STX8: variants seen among roughly 807,000 people sequenced by gnomAD.
The protein encoded by STX8 is syntaxin-8.
STX8 carries 23 observed loss-of-function variants against 37.5 expected under a neutral mutation model. That is an observed-to-expected ratio of 0.61 (90% CI 0.44 to 0.87). The LOEUF (loss-of-function observed/expected upper bound fraction) is 0.87. Ranked by LOEUF, STX8 falls within the 40% of genes least tolerant of loss-of-function variation. STX8 has a pLI of 0.00. For missense variants in STX8, 313 were observed against 284.7 expected, an observed-to-expected ratio of 1.10 and a Z score of -0.71; for synonymous variants, 115 against 99.1, an observed-to-expected ratio of 1.16 and a Z score of -0.95.
chr17:9,465,345 G>A (rs568313855), intron 6 of STX8, among the ~76,000 whole-genome samples: 26 of 152,226 alleles, frequency 1.7e-4, no homozygotes, highest in Admixed American at 1.0e-3. Flanking sequence ...AAATGGCAAC[G>A]TGCTGCTGTC....
At chr17:9,260,423 A>T (rs1411748220) in intron 7 of STX8, among the ~76,000 whole-genome samples, 2 of 152,218 alleles carry the variant, frequency 1.3e-5, no homozygotes, top group Non-Finnish European at 2.9e-5. Flanking sequence ...CGGGAGTTTG[A>T]GACCAGCCGG....
chr17:9,409,182 T>A (rs1912901497), intron 6 of STX8, among the ~76,000 whole-genome samples: 1 of 151,824 alleles, frequency 6.6e-6, no homozygotes, highest in African/African-American at 2.4e-5. Flanking sequence ...ATATCACCTA[T>A]GCCCATTAAG....
rs1201761814 is a variant in STX8, at chr17:9,429,964, T to G, written c.542-51311A>C. ...TAGAATATATTATATATAATATATA[T>G]ATTATATATTATATAGAATATATTA... is the stretch of plus-strand genomic sequence containing the variant. On this transcript the variant is annotated intron_variant, in intron 6 of 7. Coordinates refer to ENST00000306357, the MANE Select transcript of STX8 (RefSeq NM_004853.3). Among the ~76,000 whole-genome samples, 2 of 1,762 alleles carry G rather than the reference T, an allele frequency of 1.1e-3. 1 individual carries two copies. The highest frequency in any genetic ancestry group is 1.5e-3 in the Non-Finnish European group (2 of 1,292). 1.2% of individuals were successfully genotyped at this position (1,762 alleles called of 152,430 possible).
intron 3 of STX8, among the ~76,000 whole-genome samples, chr17:9,546,737 A>G (rs1906544308): frequency 6.6e-6 from 1 of 150,868 alleles, no homozygotes; most frequent in Non-Finnish European, 1.5e-5. Flanking sequence ...AGCTGGGACT[A>G]CAGGCACGTG....
At chr17:9,339,816 G>C (rs559383984) in intron 7 of STX8, among the ~76,000 whole-genome samples, 1 of 152,174 alleles carries the variant, frequency 6.6e-6, no homozygotes, top group Non-Finnish European at 1.5e-5. Flanking sequence ...CAGAATTGGC[G>C]TAAGGACCGA....
At chr17:9,460,638 A>T (rs1291750162) in intron 6 of STX8, among the ~76,000 whole-genome samples, 1 of 143,282 alleles carries the variant, frequency 7.0e-6, no homozygotes, top group Non-Finnish European at 1.5e-5. Flanking sequence ...GTGCCACTGC[A>T]CTCCAGCCTG....
At chr17:9,270,093 G>A (rs958795594) in intron 7 of STX8, among the ~76,000 whole-genome samples, 2 of 152,170 alleles carry the variant, frequency 1.3e-5, no homozygotes, top group African/African-American at 4.8e-5. Context: ...TCCAATGTCT[G>A]TGTCTCCTCT....
chr17:9,297,467 T>C (rs1908606304), intron 7 of STX8, among the ~76,000 whole-genome samples: 1 of 152,106 alleles, frequency 6.6e-6, no homozygotes, highest in African/African-American at 2.4e-5. Context: ...GCTTCCTTGG[T>C]TGGTACATGA....
At chr17:9,419,082 C>A (rs1045790311) in intron 6 of STX8, among the ~76,000 whole-genome samples, 1 of 151,684 alleles carries the variant, frequency 6.6e-6, no homozygotes, top group Non-Finnish European at 1.5e-5. Context: ...TGCCATCATC[C>A]CTAATTTTTT....
At chr17:9,272,534 G>A (rs1907503409) in intron 7 of STX8, among the ~76,000 whole-genome samples, 1 of 152,166 alleles carries the variant, frequency 6.6e-6, no homozygotes, top group Non-Finnish European at 1.5e-5. Context: ...GTCACAAGGG[G>A]GTGCCTTCTC....
chr17:9,382,303 T>G (rs559689427), intron 6 of STX8, among the ~76,000 whole-genome samples: 1 of 152,192 alleles, frequency 6.6e-6, no homozygotes, highest in East Asian at 1.9e-4. Context: ...GAACAAAAGA[T>G]AGATGGGATG....
intron 7 of STX8, among the ~76,000 whole-genome samples, chr17:9,355,080 T>G (rs1910832213): frequency 6.6e-6 from 1 of 152,214 alleles, no homozygotes; most frequent in Non-Finnish European, 1.5e-5. Context: ...AACTGGGTGC[T>G]CTGAAATTTC....
At chr17:9,492,805 TAGCCAGGC>T (rs1032594846) in intron 5 of STX8, among the ~76,000 whole-genome samples, 1 of 151,964 alleles carries the variant, frequency 6.6e-6, no homozygotes, top group African/African-American at 2.4e-5. Flanking sequence ...TTTAAAAAAT[TAGCCAGGC>T]AGCCAGTCGC....
At chr17:9,463,689 C>T (rs1597688815) in intron 6 of STX8, among the ~76,000 whole-genome samples, 1 of 152,162 alleles carries the variant, frequency 6.6e-6, no homozygotes, top group African/African-American at 2.4e-5. Flanking sequence ...GGGCGGATCA[C>T]CTGAGGTTGG....
At chr17:9,423,415 T>A (rs1913514910) in intron 6 of STX8, among the ~76,000 whole-genome samples, 1 of 152,186 alleles carries the variant, frequency 6.6e-6, no homozygotes, top group African/African-American at 2.4e-5. Context: ...AACCTCTGCC[T>A]CCCGGGTTCA....
intron 7 of STX8, among the ~76,000 whole-genome samples, chr17:9,306,395 A>C (rs1429771677): frequency 6.6e-6 from 1 of 152,078 alleles, no homozygotes; most frequent in Non-Finnish European, 1.5e-5. Context: ...GCGGGGAATC[A>C]AATTCCTCAG....
At chr17:9,305,630 G>C (rs1206231703) in intron 7 of STX8, 2 of 151,204 alleles carry the variant, frequency 1.3e-5, no homozygotes, top group African/African-American at 4.9e-5. Context: ...TGATTTGCTT[G>C]TATGGTGATG....
At chr17:9,478,939 G>A (rs547985362) in intron 6 of STX8, among the ~76,000 whole-genome samples, 4 of 152,134 alleles carry the variant, frequency 2.6e-5, no homozygotes, top group Non-Finnish European at 5.9e-5. Flanking sequence ...CCTTTTCCTT[G>A]ACAGTACTTA....
At chr17:9,360,266 C>T (rs1386266917) in intron 7 of STX8, among the ~76,000 whole-genome samples, 1 of 113,172 alleles carries the variant, frequency 8.8e-6, no homozygotes, top group South Asian at 3.1e-4. Flanking sequence ...CAGAGTCTCA[C>T]TCTTGTAGCC....
Sources: gnomAD v4.1 joint callset for allele counts (sites outside exome capture counted in the v4.1 genomes callset) on GRCh38, gnomAD v4.1.1 for gene constraint, MANE v1.5 for transcripts, NCBI Gene and HGNC (gene_info 2026-07-23, HGNC 2026-07-21) for gene names.